Variants in FSD2 observed in about 807,000 individuals in gnomAD.
The protein encoded by FSD2 is fibronectin type III and SPRY domain containing 2.
FSD2 carries 71 observed loss-of-function variants against 80.4 expected under a neutral mutation model. The observed-to-expected ratio is 0.88, with a 90% CI of 0.73 to 1.08. The LOEUF (loss-of-function observed/expected upper bound fraction) is 1.08. Ranked by LOEUF, FSD2 falls within the 50% of genes least tolerant of loss-of-function variation. The pLI, the probability that FSD2 is intolerant of heterozygous loss-of-function variation, is 0.00. For synonymous variants in FSD2, 361 were observed against 329.5 expected (o/e 1.10, Z -1.03); for missense variants, 923 against 913.8 (o/e 1.01, Z -0.13).
chr15:82,781,573 C>G (rs1028591945), intron 4 of FSD2, among the ~76,000 whole-genome samples: 3 of 152,134 alleles, frequency 2.0e-5, no homozygotes, highest in African/African-American at 7.2e-5. Flanking sequence ...ATAGCCTAGC[C>G]ATGTAGAGGG....
chr15:82,798,206 G>A (rs1055729750), intron 1 of FSD2, among the ~76,000 whole-genome samples: 5 of 152,070 alleles, frequency 3.3e-5, no homozygotes, highest in South Asian at 2.1e-4. Context: ...CTAGCCCAGC[G>A]TGGTGGTGTG....
At chr15:82,771,376 G>C (rs2151497425) in intron 7 of FSD2, among the ~76,000 whole-genome samples, 1 of 152,318 alleles carries the variant, frequency 6.6e-6, no homozygotes, top group South Asian at 2.1e-4. Context: ...GCTGGCCCTG[G>C]TCCCTTGAAA....
rs768650453 is a variant in FSD2 at position 82,765,933 on chromosome 15, C to G, written c.1652G>C (p.Ser551Thr). The stretch of plus-strand genomic sequence containing the variant: ...GACTGTAGCTGGCTCGCTCCTCACG[C>G]TGGGGCCCCCCATATTGAGGGCTCG... The part of the protein sequence containing the change: ...YVRALNMGGP[S>T]VRSEPATVHT... Residue 551 changes from serine (S) to threonine (T), a missense_variant, in exon 10 of 13, where the codon AGC (serine) becomes ACC (threonine). By Grantham distance (58) the Ser-to-Thr change is moderately conservative (BLOSUM62 1). Coordinates refer to ENST00000334574, the MANE Select transcript of FSD2 (RefSeq NM_001007122.4). The G allele has an allele frequency of 5.0e-6, 8 of 1,610,158 alleles. No homozygotes were observed. Among genetic ancestry groups the G allele is most frequent in the Non-Finnish European group, 6.8e-6 (8 of 1,178,936 alleles).
intron 1 of FSD2, among the ~76,000 whole-genome samples, chr15:82,793,221 A>T (rs1213563492): frequency 2.0e-5 from 3 of 151,886 alleles, no homozygotes; most frequent in Non-Finnish European, 4.4e-5. Context: ...TCAGCATCCC[A>T]TTGGAAAAAT....
intron 11 of FSD2, 76 bp from the exon 12 acceptor site, chr15:82,762,354 C>T: frequency 3.5e-6 from 5 of 1,446,340 alleles, no homozygotes; most frequent in Non-Finnish European, 4.7e-6. Context: ...ATGCCAGTTG[C>T]TGGGATCAGT....
chr15:82,787,861 C>T (rs565117081), intron 1 of FSD2, among the ~76,000 whole-genome samples: 1 of 152,186 alleles, frequency 6.6e-6, no homozygotes, highest in African/African-American at 2.4e-5. Context: ...CTGACTGCAG[C>T]CTTTGCCTCC....
At chr15:82,770,457 G>A (rs2049538522) in intron 7 of FSD2, among the ~76,000 whole-genome samples, 1 of 152,112 alleles carries the variant, frequency 6.6e-6, no homozygotes, top group African/African-American at 2.4e-5. Flanking sequence ...GAATCACTAG[G>A]TCAGGAGATC....
At chr15:82,766,989 T>A (rs1314850779) in intron 9 of FSD2, among the ~76,000 whole-genome samples, 1 of 152,148 alleles carries the variant, frequency 6.6e-6, no homozygotes, top group Non-Finnish European at 1.5e-5. Flanking sequence ...TACAACACCC[T>A]CACCCAGATG....
intron 1 of FSD2, among the ~76,000 whole-genome samples, chr15:82,796,683 T>C (rs190179552): frequency 4.8e-4 from 73 of 152,350 alleles, no homozygotes; most frequent in Middle Eastern, 3.4e-3. Context: ...CCCAGCTTTC[T>C]CTGCTAGCTG....
Position 82,765,985 on chromosome 15 carries a change from G to A in FSD2, c.1600C>T (p.Pro534Ser). 1.3e-6 allele frequency: 2 copies of A among 1,598,270 alleles called. No individual in the cohort carries two copies. Among genetic ancestry groups the A allele is most frequent in the African/African-American group, 1.3e-5 (1 of 74,798 alleles). The change falls in exon 10 of 13, where the codon CCG becomes TCG. Residue 534 changes from proline to serine, a missense_variant. Physicochemically the swap from Pro to Ser is moderately conservative, Grantham distance 74 (BLOSUM62 -1). Coordinates refer to ENST00000334574, the MANE Select transcript of FSD2 (RefSeq NM_001007122.4). ...PTCESVVQLQ[P>S]GRSYIIYVRA... is the part of the protein sequence containing the mutation. ...ACATAGATAATGTAGCTCCGCCCCGGCTGCAGCTGCACCACGGACTCGCAG... is the reference window on the plus strand; with the variant it reads ...ACATAGATAATGTAGCTCCGCCCCGACTGCAGCTGCACCACGGACTCGCAG...
chr15:82,760,473 G>A (rs1026744413), intron 12 of FSD2, among the ~76,000 whole-genome samples: 8 of 152,290 alleles, frequency 5.3e-5, no homozygotes, highest in Middle Eastern at 6.8e-3. Context: ...AGCTCTTTGT[G>A]TCAACAGGCT....
intron 1 of FSD2, among the ~76,000 whole-genome samples, chr15:82,801,137 G>T (rs2050403384): frequency 1.3e-5 from 2 of 152,116 alleles, no homozygotes; most frequent in South Asian, 4.1e-4. Flanking sequence ...TCTCTATGCT[G>T]CTGTGTCTGG....
At chr15:82,760,739 GCA>G (rs141943507) in intron 12 of FSD2, among the ~76,000 whole-genome samples, 2,039 of 150,174 alleles carry the variant, frequency 0.014, 9 homozygotes, top group Non-Finnish European at 0.016. Flanking sequence ...GTGCGTGCAC[GCA>G]CACACACACA....
chr15:82,765,352 T>C, intron 10 of FSD2, 54 bp from the exon 11 acceptor site: 9 of 1,610,482 alleles, frequency 5.6e-6, no homozygotes, highest in Admixed American at 1.7e-5. Context: ...GCTTTCTCCA[T>C]GTGGGCGGTG....
At chr15:82,759,938 C>T (rs1177769544) in intron 12 of FSD2, among the ~76,000 whole-genome samples, 4 of 151,454 alleles carry the variant, frequency 2.6e-5, no homozygotes, top group South Asian at 4.3e-4. Flanking sequence ...GGATTACAGG[C>T]GTGCACCACC....
chr15:82,769,415 C>CA (rs5814127), intron 8 of FSD2, among the ~76,000 whole-genome samples: 8,571 of 141,590 alleles, frequency 0.061, 291 homozygotes, highest in Non-Finnish European at 0.075. Context: ...TCTAAAAATA[C>CA]AAAAAAAAAA....
rs1180655924 is a variant in FSD2 at position 82,796,211 on chromosome 15, C to G, written c.-78-8743G>C. The G allele has an allele frequency of 1.2e-4, 19 of 153,654 alleles. No homozygotes were observed. The Admixed American group carries it at 1.2e-3, about 10-fold the overall frequency. The allele number at this position is 153,654 out of a possible 1,614,324, so 9.5% of individuals were successfully genotyped here. ...AGAGACGGGGTTTCACCATGTTGTC[C>G]AGGCTGGTCTCAAACTCCTGACTTT... On this transcript the variant is annotated intron_variant, in intron 1 of 12. Transcript: ENST00000334574.
chr15:82,801,484 G>GTGTGA (rs1566984583), intron 1 of FSD2, among the ~76,000 whole-genome samples: 1 of 152,140 alleles, frequency 6.6e-6, no homozygotes, highest in South Asian at 2.1e-4. Flanking sequence ...CCTGGACTCA[G>GTGTGA]CCCTGGTGAG....
intron 12 of FSD2, 145 bp downstream of exon 12, chr15:82,761,957 T>C: frequency 2.8e-6 from 2 of 725,950 alleles, no homozygotes; most frequent in Non-Finnish European, 4.2e-6. Flanking sequence ...ACTTGGACTT[T>C]AGGGAAAGTG....
Sources: allele counts gnomAD v4.1 joint callset (sites outside exome capture counted in the v4.1 genomes callset), GRCh38; gene constraint gnomAD v4.1.1; transcripts MANE v1.5; gene names NCBI Gene and HGNC (gene_info 2026-07-23, HGNC 2026-07-21).